The following SLC24A2 variants were observed in gnomAD, a reference collection of about 807,000 sequenced individuals.
SLC24A2 encodes sodium/potassium/calcium exchanger 2.
Under a neutral mutation model 62.0 loss-of-function variants are expected in SLC24A2, and 36 were observed. The ratio of observed to expected loss-of-function variants is 0.58; its 90% CI spans 0.44 to 0.77. The LOEUF (loss-of-function observed/expected upper bound fraction) is 0.77. Ranked by LOEUF, SLC24A2 falls within the 30% of genes least tolerant of loss-of-function variation. The pLI, the probability that SLC24A2 is intolerant of heterozygous loss-of-function variation, is 0.00. For synonymous variants in SLC24A2, 358 were observed against 294.0 expected, an observed-to-expected ratio of 1.22 and a Z score of -2.23; for missense variants, 846 against 817.9, an observed-to-expected ratio of 1.03 and a Z score of -0.42.
the SLC24A2 span, among the ~76,000 whole-genome samples, chr9:20,030,825 G>C: frequency 8.0e-4 from 122 of 152,312 alleles, no homozygotes; most frequent in African/African-American, 2.9e-3. Context: ...TACCAGGAGA[G>C]TGGAGAGAGA....
chr9:20,064,739 A>G, the SLC24A2 span, among the ~76,000 whole-genome samples: 1 of 152,354 alleles, frequency 6.6e-6, no homozygotes, highest in African/African-American at 2.4e-5. Flanking sequence ...TCAAGCACCC[A>G]CCGCTGAAGC....
the SLC24A2 span, among the ~76,000 whole-genome samples, chr9:19,901,051 C>A: frequency 6.6e-6 from 1 of 152,204 alleles, no homozygotes; most frequent in Admixed American, 6.5e-5. Flanking sequence ...GACCTTGACA[C>A]TGGCACTTGA....
At chr9:19,748,507 C>T (rs1821896214) in intron 2 of SLC24A2, among the ~76,000 whole-genome samples, 1 of 152,118 alleles carries the variant, frequency 6.6e-6, no homozygotes, top group South Asian at 2.1e-4. Flanking sequence ...CTGTGAGTCA[C>T]AGCTGGGCAG....
chr9:20,213,007 C>G, the SLC24A2 span, among the ~76,000 whole-genome samples: 1 of 151,622 alleles, frequency 6.6e-6, no homozygotes, highest in Admixed American at 6.6e-5. Context: ...ACAACACATG[C>G]TGAGGCCTGA....
At chr9:20,137,922 A>G in the SLC24A2 span, among the ~76,000 whole-genome samples, 38 of 152,326 alleles carry the variant, frequency 2.5e-4, no homozygotes, top group African/African-American at 9.1e-4. Flanking sequence ...TGAATAGTCA[A>G]GTTTTCAGCC....
chr9:20,048,738 T>C, the SLC24A2 span, among the ~76,000 whole-genome samples: 25 of 151,990 alleles, frequency 1.6e-4, no homozygotes, highest in East Asian at 4.4e-3. Flanking sequence ...TAATTCCTTT[T>C]AGTACATTAA....
chr9:20,265,228 C>A, the SLC24A2 span, among the ~76,000 whole-genome samples: 4 of 152,204 alleles, frequency 2.6e-5, no homozygotes, highest in African/African-American at 9.7e-5. Flanking sequence ...GGTGAACAGA[C>A]ACAGTCTACT....
intron 2 of SLC24A2, among the ~76,000 whole-genome samples, chr9:19,636,310 T>TTTCCTTTCCC (rs1213387858): frequency 5.9e-5 from 2 of 34,182 alleles, no homozygotes; most frequent in African/African-American, 2.5e-4. Flanking sequence ...TTTTCTTTTC[T>TTTCCTTTCCC]TTTCTTTTCT....
intron 4 of SLC24A2, among the ~76,000 whole-genome samples, chr9:19,597,717 C>T (rs1482430557): frequency 1.3e-5 from 2 of 152,192 alleles, no homozygotes; most frequent in African/African-American, 4.8e-5. Context: ...GTTTATTTCA[C>T]AGCTTTTCTC....
At chr9:19,525,140 C>T (rs916134049) in intron 9 of SLC24A2, among the ~76,000 whole-genome samples, 95 of 152,172 alleles carry the variant, frequency 6.2e-4, no homozygotes, top group African/African-American at 2.2e-3. Flanking sequence ...AGAACTTGCT[C>T]AGGAAGCCAA....
At chr9:19,881,532 A>G in the SLC24A2 span, among the ~76,000 whole-genome samples, 1 of 152,190 alleles carries the variant, frequency 6.6e-6, no homozygotes, top group Non-Finnish European at 1.5e-5. Flanking sequence ...ATACACTAGA[A>G]TTCTGATTAT....
At chr9:19,696,877 T>C (rs539742718) in intron 2 of SLC24A2, among the ~76,000 whole-genome samples, 2 of 152,328 alleles carry the variant, frequency 1.3e-5, no homozygotes, top group South Asian at 2.1e-4. Context: ...AATGGCATCA[T>C]TTTAGAATTG....
intron 5 of SLC24A2, 120 bp from the exon 6 acceptor site, chr9:19,577,142 C>T: frequency 1.2e-6 from 1 of 813,676 alleles, no homozygotes; most frequent in Non-Finnish European, 2.2e-6. Flanking sequence ...TCCATTCTGT[C>T]CAACCCCAAT....
the SLC24A2 span, among the ~76,000 whole-genome samples, chr9:19,985,589 G>C: frequency 1.3e-5 from 2 of 152,196 alleles, no homozygotes; most frequent in East Asian, 3.9e-4. Flanking sequence ...AGAGGTTACT[G>C]ACTATTATAA....
the SLC24A2 span, among the ~76,000 whole-genome samples, chr9:20,251,214 T>C: frequency 6.6e-6 from 1 of 152,198 alleles, no homozygotes; most frequent in South Asian, 2.1e-4. Flanking sequence ...CTCTACTACT[T>C]TCTCCTCCCA....
chr9:19,713,184 A>G (rs1820762774), intron 2 of SLC24A2, among the ~76,000 whole-genome samples: 1 of 152,102 alleles, frequency 6.6e-6, no homozygotes, highest in South Asian at 2.1e-4. Flanking sequence ...AGCACCTAGT[A>G]TCTAGTTGAT....
At chr9:19,962,440 A>G in the SLC24A2 span, among the ~76,000 whole-genome samples, 1 of 152,192 alleles carries the variant, frequency 6.6e-6, no homozygotes, top group Admixed American at 6.5e-5. Flanking sequence ...TTGAATCTAT[A>G]AATTACCTTG....
chr9:20,138,082 T>C, the SLC24A2 span, among the ~76,000 whole-genome samples: 6 of 152,164 alleles, frequency 3.9e-5, no homozygotes, highest in African/African-American at 1.2e-4. Context: ...CTTTGGAACC[T>C]ATCAGAACTT....
the SLC24A2 span, among the ~76,000 whole-genome samples, chr9:20,219,362 T>G: frequency 6.6e-6 from 1 of 152,042 alleles, no homozygotes; most frequent in African/African-American, 2.4e-5. Context: ...AGTGCTGGAG[T>G]TGGACACTGA....
Sources: gnomAD v4.1 joint callset for allele counts (sites outside exome capture counted in the v4.1 genomes callset) on GRCh38, gnomAD v4.1.1 for gene constraint, MANE v1.5 for transcripts, NCBI Gene and HGNC (gene_info 2026-07-23, HGNC 2026-07-21) for gene names.